Variants in STARD13 observed in about 807,000 individuals in gnomAD.
STARD13 encodes the protein StAR related lipid transfer domain containing 13, also known as stAR-related lipid transfer protein 13.
STARD13 carries 62 observed loss-of-function variants against 106.4 expected under a neutral mutation model. The ratio of observed to expected loss-of-function variants is 0.58; its 90% CI spans 0.48 to 0.72. The LOEUF (loss-of-function observed/expected upper bound fraction) is 0.72. Among genes scored for constraint, STARD13 ranks in the 30% least tolerant of loss-of-function variants. The probability of loss-of-function intolerance (pLI) is 0.00; values close to 1 mark genes in which losing one functional copy is unlikely to be tolerated. For synonymous variants in STARD13, 565 were observed against 553.0 expected (o/e 1.02, Z -0.31); for missense variants, 1,387 against 1,424.0 (o/e 0.97, Z 0.42).
intron 1 of STARD13, among the ~76,000 whole-genome samples, chr13:33,349,738 G>A (rs896274122): frequency 6.6e-6 from 1 of 152,210 alleles, no homozygotes; most frequent in Non-Finnish European, 1.5e-5. Context: ...CAGCCAGCCA[G>A]CTACCTGCAC....
chr13:33,103,525 G>A lies in STARD13; in HGVS notation c.*2068C>T, dbSNP rs1248836200. The A allele has an allele frequency of 2.0e-5, 3 of 152,622 alleles. No homozygotes were observed. The highest frequency in any genetic ancestry group is 4.4e-5 in the Non-Finnish European group (3 of 68,040). The allele number at this position is 152,622 out of a possible 1,614,324, so 9.5% of individuals were successfully genotyped here. On this transcript the variant is annotated 3_prime_UTR_variant, in exon 14 of 14. Transcript: ENST00000336934. Reference sequence around the variant, plus strand: ...TGTTTTAGGGATCTTCTAGGTCCTCGTTTCTGAGTGTGGTTTTAGGCCAGC... The same window carrying A: ...TGTTTTAGGGATCTTCTAGGTCCTCATTTCTGAGTGTGGTTTTAGGCCAGC...
the STARD13 span, among the ~76,000 whole-genome samples, chr13:33,553,200 G>A: frequency 6.6e-6 from 1 of 151,726 alleles, no homozygotes; most frequent in Non-Finnish European, 1.5e-5. Flanking sequence ...CCTGAAACTG[G>A]GTGAGGCAAA....
At chr13:33,200,707 A>G (rs1473950897) in intron 1 of STARD13, among the ~76,000 whole-genome samples, 1 of 152,208 alleles carries the variant, frequency 6.6e-6, no homozygotes, top group African/African-American at 2.4e-5. Flanking sequence ...ATGGAACACA[A>G]CTGAACAGGA....
the STARD13 span, among the ~76,000 whole-genome samples, chr13:33,358,613 C>T: frequency 2.9e-4 from 44 of 150,938 alleles, no homozygotes; most frequent in South Asian, 3.8e-3. Context: ...GTCTTTATGT[C>T]TAGCTCAGGG....
At chr13:33,660,115 G>A in the STARD13 span, among the ~76,000 whole-genome samples, 2 of 152,164 alleles carry the variant, frequency 1.3e-5, 1 homozygote, top group Non-Finnish European at 2.9e-5. Flanking sequence ...GGCCAGCTAC[G>A]CTCTGCTCAC....
chr13:33,613,753 C>T, the STARD13 span, among the ~76,000 whole-genome samples: 45 of 152,220 alleles, frequency 3.0e-4, no homozygotes, highest in Admixed American at 4.6e-4. Flanking sequence ...GGGAGCCACT[C>T]GGATAGTGAC....
At chr13:33,516,014 C>A in the STARD13 span, among the ~76,000 whole-genome samples, 12 of 151,636 alleles carry the variant, frequency 7.9e-5, no homozygotes, top group African/African-American at 2.9e-4. Flanking sequence ...GACAGTAACC[C>A]AGGTATGCAT....
chr13:33,423,086 T>G, the STARD13 span, among the ~76,000 whole-genome samples: 1 of 152,136 alleles, frequency 6.6e-6, no homozygotes, highest in South Asian at 2.1e-4. Flanking sequence ...AAAGCCAAAA[T>G]AGACAAATGG....
chr13:33,532,595 TTC>T, the STARD13 span, among the ~76,000 whole-genome samples: 1 of 152,186 alleles, frequency 6.6e-6, no homozygotes, highest in Non-Finnish European at 1.5e-5. Flanking sequence ...TCTGAAAACA[TTC>T]TGTTTATTTT....
intron 1 of STARD13, chr13:33,277,193 C>T (rs1449609652): frequency 6.6e-6 from 1 of 152,112 alleles, no homozygotes; most frequent in Non-Finnish European, 1.5e-5. Context: ...TTGGGCTAGG[C>T]AGTATGGTAA....
In STARD13 at chr13:33,113,977, T is replaced by A. The variant is rs144418276; in HGVS notation, c.2282-1046A>T. Among the ~76,000 whole-genome samples the A allele has an allele frequency of 3.0e-3, 461 of 152,230 alleles. 4 individuals are homozygous for A. Among genetic ancestry groups the A allele is most frequent in the African/African-American group, 0.01 (434 of 41,534 alleles). On this transcript the variant is annotated intron_variant, in intron 8 of 13. Transcript: ENST00000336934. Reference sequence around the variant, plus strand: ...AGTGCCATGTTCTGGAGCAGGGGCCTCCACACGAGGGTGTCTGAATTCTCA... The same window carrying A: ...AGTGCCATGTTCTGGAGCAGGGGCCACCACACGAGGGTGTCTGAATTCTCA...
At chr13:33,306,157 C>A (rs1193272867) in intron 1 of STARD13, among the ~76,000 whole-genome samples, 1 of 152,104 alleles carries the variant, frequency 6.6e-6, no homozygotes, top group Non-Finnish European at 1.5e-5. Context: ...GGATAAAGAT[C>A]CCAGAAATAA....
At chr13:33,623,102 G>GGAAAA in the STARD13 span, among the ~76,000 whole-genome samples, 1 of 151,640 alleles carries the variant, frequency 6.6e-6, no homozygotes, top group Non-Finnish European at 1.5e-5. Context: ...CATCTCAAAA[G>GGAAAA]TAAAATAAAA....
At chr13:33,337,636 G>A (rs79670713) in intron 1 of STARD13, among the ~76,000 whole-genome samples, 2,254 of 152,162 alleles carry the variant, frequency 0.015, 62 homozygotes, top group African/African-American at 0.05. Flanking sequence ...AAAGCAAGGG[G>A]CACAGAGGAT....
At chr13:33,240,683 T>TATCCTTAAGTATTTTATCCTTAAGG (rs777278630) in intron 1 of STARD13, among the ~76,000 whole-genome samples, 3,336 of 149,508 alleles carry the variant, frequency 0.022, 107 homozygotes, top group Non-Finnish European at 0.034. Context: ...TCCTTAAGTT[T>TATCCTTAAGTATTTTATCCTTAAGG]ATCCTTAAGT....
the STARD13 span, among the ~76,000 whole-genome samples, chr13:33,519,222 TTCTTTCTTTCTTTC>T: frequency 7.0e-6 from 1 of 142,398 alleles, no homozygotes; most frequent in African/African-American, 2.7e-5. Context: ...CTTTCTTTCT[TTCTTTCTTTCTTTC>T]TTTCTTTCTT....
the STARD13 span, among the ~76,000 whole-genome samples, chr13:33,671,151 A>G: frequency 4.3e-4 from 65 of 152,274 alleles, no homozygotes; most frequent in Admixed American, 2.7e-3. Flanking sequence ...ATTATTTTCC[A>G]GCTGGTTATT....
the STARD13 span, among the ~76,000 whole-genome samples, chr13:33,418,949 C>T: frequency 2.6e-5 from 4 of 152,104 alleles, no homozygotes; most frequent in Admixed American, 2.0e-4. Flanking sequence ...ATAGCAAAAC[C>T]CCACCTGTAG....
At chr13:33,462,527 G>T in the STARD13 span, among the ~76,000 whole-genome samples, 1 of 152,170 alleles carries the variant, frequency 6.6e-6, no homozygotes, top group Non-Finnish European at 1.5e-5. Context: ...AAGCTGAAGG[G>T]CAAGGAAGCC....
Sources: allele counts gnomAD v4.1 joint callset (sites outside exome capture counted in the v4.1 genomes callset), GRCh38; gene constraint gnomAD v4.1.1; transcripts MANE v1.5; gene names NCBI Gene and HGNC (gene_info 2026-07-23, HGNC 2026-07-21).